CLMP: variants seen among roughly 807,000 people sequenced by gnomAD.
CLMP encodes the protein CXADR like cell adhesion molecule, also known as CXADR-like membrane protein.
CLMP carries 27 observed loss-of-function variants against 45.2 expected under a neutral mutation model. The observed-to-expected ratio is 0.60, with a 90% CI of 0.44 to 0.82. The LOEUF (loss-of-function observed/expected upper bound fraction) is 0.82. CLMP is among the 40% of genes least tolerant of loss of function. The probability of loss-of-function intolerance (pLI) is 0.00; values close to 1 mark genes in which losing one functional copy is unlikely to be tolerated. For missense variants in CLMP, 403 were observed against 448.4 expected (o/e 0.90, Z 0.91); for synonymous variants, 167 against 171.4 (o/e 0.97, Z 0.20).
chr11:123,115,643 G>C (rs1860710619), intron 1 of CLMP, among the ~76,000 whole-genome samples: 1 of 152,134 alleles, frequency 6.6e-6, no homozygotes, highest in Non-Finnish European at 1.5e-5. Flanking sequence ...GGAGTAAGCA[G>C]TAGTGAATAT....
Position 123,083,668 on chromosome 11 carries a change from A to AAGAT in CLMP, c.556+8_556+11dup. 1 of 1,613,200 alleles carries AAGAT rather than the reference A, an allele frequency of 6.2e-7. No homozygotes were observed. Among genetic ancestry groups the AAGAT allele is most frequent in the Non-Finnish European group, 8.5e-7 (1 of 1,179,226 alleles). On this transcript the variant is annotated intron_variant, in intron 4 of 6. Coordinates refer to ENST00000448775, the MANE Select transcript of CLMP (RefSeq NM_024769.5). ...TTTGTTGGCTCAATAGATTGGTAGG[A>AAGAT]AGATGACTTACCAATCCTAGATTTG...
At chr11:123,179,807 G>GGCTGGAGTC (rs1455213553) in intron 1 of CLMP, among the ~76,000 whole-genome samples, 2 of 152,202 alleles carry the variant, frequency 1.3e-5, no homozygotes, top group Admixed American at 1.3e-4. Flanking sequence ...TCCCAACTCT[G>GGCTGGAGTC]CCACCAACTA....
intron 5 of CLMP, among the ~76,000 whole-genome samples, chr11:123,080,110 C>T (rs1333439325): frequency 6.6e-6 from 1 of 152,094 alleles, no homozygotes; most frequent in East Asian, 1.9e-4. Context: ...ACATGGGCCT[C>T]TATATAAGGC....
chr11:123,150,045 T>G (rs572475093), intron 1 of CLMP, among the ~76,000 whole-genome samples: 92 of 152,044 alleles, frequency 6.1e-4, no homozygotes, highest in African/African-American at 2.1e-3. Context: ...CCTCAGGTGA[T>G]CCTCCCATCT....
Position 123,088,121 on chromosome 11 carries a change from G to A in CLMP, c.187-3408C>T, listed in dbSNP as rs367623182. Among the ~76,000 whole-genome samples the A allele has an allele frequency of 4.4e-4, 67 of 152,100 alleles. 3 individuals carry two copies. In the South Asian group the frequency reaches 9.5e-3, roughly 22 times the overall value. ...GATGGGGTTTCTCCACGTTGGTCAG[G>A]CTGGTCTCGAACTCCTGACTTCAGG... On this transcript the variant is annotated intron_variant, in intron 2 of 6. Transcript: ENST00000448775.
At chr11:123,082,537 G>A (rs534532193) in intron 5 of CLMP, among the ~76,000 whole-genome samples, 12 of 151,982 alleles carry the variant, frequency 7.9e-5, no homozygotes, top group African/African-American at 2.2e-4. Context: ...TCCTGACCTC[G>A]TGATCTGCCT....
intron 1 of CLMP, among the ~76,000 whole-genome samples, chr11:123,192,730 C>T (rs1051440875): frequency 6.6e-6 from 1 of 152,090 alleles, no homozygotes; most frequent in Non-Finnish European, 1.5e-5. Flanking sequence ...AGTCAACTGT[C>T]CCACAGTTCA....
At chr11:123,086,566 C>G (rs996377854) in intron 2 of CLMP, among the ~76,000 whole-genome samples, 5 of 152,224 alleles carry the variant, frequency 3.3e-5, no homozygotes, top group East Asian at 1.9e-4. Context: ...CAGATAAAAC[C>G]TATGAACTCT....
intron 1 of CLMP, among the ~76,000 whole-genome samples, chr11:123,107,496 G>A (rs1209007270): frequency 6.6e-6 from 1 of 150,764 alleles, no homozygotes; most frequent in Admixed American, 6.7e-5. Context: ...CTCCCAAAGT[G>A]CTGGGATTAC....
chr11:123,191,196 G>A (rs1490987714), intron 1 of CLMP, among the ~76,000 whole-genome samples: 7 of 152,112 alleles, frequency 4.6e-5, no homozygotes, highest in Non-Finnish European at 8.8e-5. Context: ...CTCCAGTTCT[G>A]GCAATCTTTG....
At chr11:123,136,560 A>AT (rs34074982) in intron 1 of CLMP, among the ~76,000 whole-genome samples, 7,785 of 85,890 alleles carry the variant, frequency 0.091, 346 homozygotes, top group Non-Finnish European at 0.1. Context: ...CTTTTAAGTA[A>AT]TTTTTTTTTT....
At chr11:123,132,522 A>G (rs1199477495) in intron 1 of CLMP, among the ~76,000 whole-genome samples, 4 of 151,036 alleles carry the variant, frequency 2.6e-5, no homozygotes, top group African/African-American at 4.9e-5. Flanking sequence ...GCAGTGGTGC[A>G]ATCTTGGCTC....
intron 1 of CLMP, among the ~76,000 whole-genome samples, chr11:123,147,090 A>G (rs1477340671): frequency 3.3e-5 from 5 of 152,160 alleles, no homozygotes; most frequent in East Asian, 1.9e-4. Flanking sequence ...CTTTGCCTTC[A>G]GTTTCATATT....
rs1211939986 is a variant in CLMP, at chr11:123,194,926, AAGG to A, written c.12_14del (p.Leu9del). Reference sequence around the variant, plus strand: ...AGAGGCACTCACCTAGCAAGAGGAGAAGGAGGAGGGACATCCCGATCCCCGGAC... The same window carrying A: ...AGAGGCACTCACCTAGCAAGAGGAGAAGGAGGGACATCCCGATCCCCGGAC... On this transcript the variant is annotated inframe_deletion, in exon 1 of 7. Coordinates refer to ENST00000448775, the MANE Select transcript of CLMP (RefSeq NM_024769.5). 6.2e-7 allele frequency: 1 copy of A among 1,612,970 alleles called. No individual in the cohort carries two copies. The highest frequency in any genetic ancestry group is 1.7e-5 in the Admixed American group (1 of 59,984).
intron 1 of CLMP, among the ~76,000 whole-genome samples, chr11:123,176,855 G>A (rs1861707002): frequency 6.6e-6 from 1 of 152,170 alleles, no homozygotes; most frequent in Admixed American, 6.5e-5. Context: ...GTAGTGCTAT[G>A]CTCAGCTCTA....
chr11:123,127,867 T>C (rs550349194), intron 1 of CLMP, among the ~76,000 whole-genome samples: 45 of 151,952 alleles, frequency 3.0e-4, no homozygotes, highest in Admixed American at 1.1e-3. Context: ...CAAAACCCTG[T>C]CTCTACTGAA....
At chr11:123,081,862 GAAA>G (rs569269048) in intron 5 of CLMP, among the ~76,000 whole-genome samples, 2 of 97,754 alleles carry the variant, frequency 2.0e-5, no homozygotes, top group African/African-American at 3.7e-5. Flanking sequence ...ACCCTGTCCA[GAAA>G]AAAAAAAAAA....
At chr11:123,120,712 T>A (rs1860802461) in intron 1 of CLMP, among the ~76,000 whole-genome samples, 1 of 152,222 alleles carries the variant, frequency 6.6e-6, no homozygotes, top group Admixed American at 6.5e-5. Context: ...GTTTGATGGA[T>A]ACAGTGTCTT....
intron 1 of CLMP, among the ~76,000 whole-genome samples, chr11:123,123,234 T>C (rs998379810): frequency 1.3e-5 from 2 of 150,190 alleles, no homozygotes; most frequent in Admixed American, 1.4e-4. Flanking sequence ...TGAAGATTTT[T>C]TTCTTTTCTT....
Sources: allele counts gnomAD v4.1 joint callset (sites outside exome capture counted in the v4.1 genomes callset), GRCh38; gene constraint gnomAD v4.1.1; transcripts MANE v1.5; gene names NCBI Gene and HGNC (gene_info 2026-07-23, HGNC 2026-07-21).